The following CPNE4 variants were observed in gnomAD, a reference collection of about 807,000 sequenced individuals.
CPNE4 encodes copine-4.
In CPNE4, 25 loss-of-function variants were observed where a neutral mutation model predicts 67.9. The observed-to-expected ratio is 0.37, with a 90% CI of 0.27 to 0.51. The LOEUF (loss-of-function observed/expected upper bound fraction) is 0.51, where lower values mean the gene tolerates loss of function less well. Among genes scored for constraint, CPNE4 ranks in the 20% least tolerant of loss-of-function variants. The pLI is 0.93. For synonymous variants in CPNE4, 242 were observed against 244.9 expected, an observed-to-expected ratio of 0.99 and a Z score of 0.11; for missense variants, 464 against 690.8, an observed-to-expected ratio of 0.67 and a Z score of 3.68.
chr3:131,743,245 A>G (rs1048474203), intron 2 of CPNE4, among the ~76,000 whole-genome samples: 5 of 152,348 alleles, frequency 3.3e-5, no homozygotes, highest in African/African-American at 1.2e-4. Flanking sequence ...GGAAACTTAA[A>G]TAGACCAACT....
chr3:131,721,777 G>A (rs929769580), intron 3 of CPNE4, among the ~76,000 whole-genome samples: 1 of 152,130 alleles, frequency 6.6e-6, no homozygotes, highest in African/African-American at 2.4e-5. Context: ...ATCTTGGCAT[G>A]GCTTACATGT....
chr3:131,966,900 C>A (rs1305411527), intron 1 of CPNE4, among the ~76,000 whole-genome samples: 2 of 152,080 alleles, frequency 1.3e-5, no homozygotes, highest in African/African-American at 4.8e-5. Context: ...ATCCTGATAC[C>A]AAAATCTGGC....
chr3:131,704,980 A>G (rs950924909), intron 3 of CPNE4, among the ~76,000 whole-genome samples: 4 of 152,128 alleles, frequency 2.6e-5, no homozygotes, highest in Admixed American at 2.6e-4. Flanking sequence ...TGGTGTCCTT[A>G]TAAGAAGAGA....
At chr3:132,035,654 A>G (rs1277024216), upstream of CPNE4, among the ~76,000 whole-genome samples, 1 of 152,232 alleles carries the variant, frequency 6.6e-6, no homozygotes, top group East Asian at 1.9e-4. Flanking sequence ...GAGAGAAAGT[A>G]TGGCCTTCCT....
intron 2 of CPNE4, among the ~76,000 whole-genome samples, chr3:131,867,216 C>T (rs1236595191): frequency 6.6e-6 from 1 of 151,952 alleles, no homozygotes; most frequent in African/African-American, 2.4e-5. Context: ...GTAAAGAGGG[C>T]TGTGACACAC....
At chr3:131,538,345 A>G (rs144195834) in intron 15 of CPNE4, among the ~76,000 whole-genome samples, 170 of 152,354 alleles carry the variant, frequency 1.1e-3, no homozygotes, top group African/African-American at 4.0e-3. Context: ...GTTAGTGGCT[A>G]CCATATTGGA....
At chr3:132,008,009 G>A (rs1370772173) in intron 1 of CPNE4, among the ~76,000 whole-genome samples, 1 of 152,192 alleles carries the variant, frequency 6.6e-6, no homozygotes, top group Admixed American at 6.5e-5. Context: ...CTGGAAAGCA[G>A]GGGGTTTTGT....
In CPNE4 at chr3:131,853,292, A is replaced by G. The variant is rs147859794; in HGVS notation, c.180+51972T>C. The stretch of plus-strand genomic sequence containing the variant: ...AACACTGTACATTGACTATTTTTCA[A>G]CAAAGGCACTAAAGCAATTCAATAT... On this transcript the variant is annotated intron_variant, in intron 2 of 15. Transcript: ENST00000429747. 4.5e-4 allele frequency among the ~76,000 whole-genome samples: 68 copies of G among 152,012 alleles called. No homozygotes were observed. In the East Asian group the frequency reaches 0.013, roughly 29 times the overall value.
chr3:131,642,955 A>G (rs2079574712), intron 7 of CPNE4, among the ~76,000 whole-genome samples: 1 of 152,184 alleles, frequency 6.6e-6, no homozygotes, highest in Admixed American at 6.5e-5. Flanking sequence ...AGATACCCCA[A>G]AATGTGGAAG....
chr3:131,971,395 G>A (rs920639842), intron 1 of CPNE4, among the ~76,000 whole-genome samples: 3 of 152,292 alleles, frequency 2.0e-5, no homozygotes, highest in Middle Eastern at 3.4e-3. Flanking sequence ...CTCAATGAGA[G>A]TACCAGCAAA....
chr3:131,927,077 A>G (rs2070915991), intron 1 of CPNE4, among the ~76,000 whole-genome samples: 1 of 152,188 alleles, frequency 6.6e-6, no homozygotes, highest in Admixed American at 6.6e-5. Flanking sequence ...ATTAAGTTTC[A>G]GTGACTTTTA....
At chr3:131,862,125 C>A (rs1327110826) in intron 2 of CPNE4, among the ~76,000 whole-genome samples, 1 of 152,146 alleles carries the variant, frequency 6.6e-6, no homozygotes, top group African/African-American at 2.4e-5. Context: ...AGAGCAAGAA[C>A]TTTGGTACAT....
intron 1 of CPNE4, among the ~76,000 whole-genome samples, chr3:132,011,762 G>A (rs557384482): frequency 4.5e-4 from 68 of 152,266 alleles, no homozygotes; most frequent in African/African-American, 1.3e-3. Context: ...AATTTCAATT[G>A]GGATTAGAAG....
chr3:131,792,214 T>C (rs28414194), intron 2 of CPNE4, among the ~76,000 whole-genome samples: 7,849 of 152,130 alleles, frequency 0.052, 255 homozygotes, highest in African/African-American at 0.093. Flanking sequence ...ATTTCTTTTA[T>C]AAGAGAAAAA....
chr3:131,855,189 G>A (rs1271620339), intron 2 of CPNE4, among the ~76,000 whole-genome samples: 1 of 151,920 alleles, frequency 6.6e-6, no homozygotes, highest in Non-Finnish European at 1.5e-5. Flanking sequence ...TCACTTGTTA[G>A]GTCTCTCTCC....
chr3:131,696,206 A>C (rs2081153758), intron 5 of CPNE4, among the ~76,000 whole-genome samples: 1 of 152,254 alleles, frequency 6.6e-6, no homozygotes, highest in Non-Finnish European at 1.5e-5. Context: ...ATAGGTGCTC[A>C]ATAAATGTCA....
At chr3:131,999,956 A>AT (rs1031420696) in intron 1 of CPNE4, among the ~76,000 whole-genome samples, 1 of 151,952 alleles carries the variant, frequency 6.6e-6, no homozygotes, top group African/African-American at 2.4e-5. Flanking sequence ...TAATTAAATG[A>AT]TAAATCCTGT....
At chr3:131,652,328 C>G (rs1225272801) in intron 7 of CPNE4, among the ~76,000 whole-genome samples, 2 of 152,208 alleles carry the variant, frequency 1.3e-5, no homozygotes, top group Non-Finnish European at 2.9e-5. Flanking sequence ...TAAGTAGACA[C>G]TGGAATTTAG....
chr3:131,988,728 G>A (rs2073111412), intron 1 of CPNE4, among the ~76,000 whole-genome samples: 1 of 152,126 alleles, frequency 6.6e-6, no homozygotes. Context: ...TCAATTTTAT[G>A]TAAATTTATT....
Sources: gnomAD v4.1 joint callset for allele counts (sites outside exome capture counted in the v4.1 genomes callset) on GRCh38, gnomAD v4.1.1 for gene constraint, MANE v1.5 for transcripts, NCBI Gene and HGNC (gene_info 2026-07-23, HGNC 2026-07-21) for gene names.